Variants in SPTLC2 observed in about 807,000 individuals in gnomAD.
SPTLC2 encodes serine palmitoyltransferase long chain base subunit 2, also known as serine palmitoyltransferase 2.
In SPTLC2, 21 loss-of-function variants were observed where a neutral mutation model predicts 62.0. That is an observed-to-expected ratio of 0.34 (90% CI 0.24 to 0.49). The LOEUF is 0.49. Among genes scored for constraint, SPTLC2 ranks in the 20% least tolerant of loss-of-function variants. The probability of loss-of-function intolerance (pLI) is 0.99; values close to 1 mark genes in which losing one functional copy is unlikely to be tolerated. For missense variants in SPTLC2, 511 were observed against 713.0 expected (o/e 0.72, Z 3.23); for synonymous variants, 261 against 261.8 (o/e 1.00, Z 0.03).
intron 2 of SPTLC2, among the ~76,000 whole-genome samples, chr14:77,590,840 A>C (rs2079811917): frequency 6.6e-6 from 1 of 152,254 alleles, no homozygotes; most frequent in Non-Finnish European, 1.5e-5. Flanking sequence ...CCTGGGTAGA[A>C]CAGAGGATAA....
At chr14:77,581,741 T>G (rs1439881176) in intron 2 of SPTLC2, among the ~76,000 whole-genome samples, 1 of 152,146 alleles carries the variant, frequency 6.6e-6, no homozygotes, top group Non-Finnish European at 1.5e-5. Context: ...GTTCTAATAG[T>G]TAATTTTCCT....
In SPTLC2 at chr14:77,555,218, G is replaced by A. The variant is rs1343280573; in HGVS notation, c.1176+82C>T. 7 of 1,552,676 alleles carry A rather than the reference G, an allele frequency of 4.5e-6. No homozygotes were observed. In the East Asian group the frequency reaches 9.0e-5, roughly 20 times the overall value. ...CAAATTTGCGGACATCCCAGTTCAG[G>A]GCCCCATCTGCTAGGCCTGAGGTAC... On this transcript the variant is annotated intron_variant, in intron 8 of 11. Coordinates refer to ENST00000216484, the MANE Select transcript of SPTLC2 (RefSeq NM_004863.4).
chr14:77,549,433 G>A (rs1420036969), intron 9 of SPTLC2, among the ~76,000 whole-genome samples: 1 of 152,154 alleles, frequency 6.6e-6, no homozygotes, highest in African/African-American at 2.4e-5. Context: ...ATGTCATGAG[G>A]AGCCTAAGCC....
intron 2 of SPTLC2, among the ~76,000 whole-genome samples, chr14:77,595,736 ACAAT>A (rs2079843281): frequency 1.3e-5 from 2 of 152,322 alleles, no homozygotes; most frequent in South Asian, 4.1e-4. Context: ...TGTTTCTTCT[ACAAT>A]CAATGTTCAC....
intron 9 of SPTLC2, 52 bp from the exon 10 acceptor site, chr14:77,521,633 G>GA (rs756246250): frequency 1.1e-5 from 17 of 1,540,986 alleles, no homozygotes; most frequent in African/African-American, 4.1e-5. Context: ...AAAAGGAATG[G>GA]AAAAAAGACA....
intron 9 of SPTLC2, among the ~76,000 whole-genome samples, chr14:77,550,211 A>G (rs2079548457): frequency 6.6e-6 from 1 of 152,272 alleles, no homozygotes; most frequent in African/African-American, 2.4e-5. Flanking sequence ...ACTATTTCCA[A>G]AAATCTCTCA....
At chr14:77,552,805 TAAAAAAA>T (rs58847640) in intron 8 of SPTLC2, among the ~76,000 whole-genome samples, 1 of 130,982 alleles carries the variant, frequency 7.6e-6, no homozygotes, top group Non-Finnish European at 1.6e-5. Flanking sequence ...GACTCCGTCT[TAAAAAAA>T]AAAAAAAAAA....
chr14:77,561,913 A>G (rs2079616975), intron 6 of SPTLC2, among the ~76,000 whole-genome samples: 1 of 152,348 alleles, frequency 6.6e-6, no homozygotes, highest in South Asian at 2.1e-4. Flanking sequence ...TAATCATTTT[A>G]ATAATACACA....
chr14:77,532,844 T>C (rs1448318683), intron 9 of SPTLC2, among the ~76,000 whole-genome samples: 3 of 151,930 alleles, frequency 2.0e-5, no homozygotes, highest in Non-Finnish European at 2.9e-5. Flanking sequence ...TGATTCTGAC[T>C]GCTTTTTTTG....
At chr14:77,607,519 GGC>G (rs757964523) in intron 1 of SPTLC2, among the ~76,000 whole-genome samples, 52 of 151,870 alleles carry the variant, frequency 3.4e-4, no homozygotes, top group Non-Finnish European at 7.4e-5. Flanking sequence ...TTAATTCCAT[GGC>G]TTTCCAATGA....
chr14:77,601,942 A>G (rs10139852), intron 1 of SPTLC2, among the ~76,000 whole-genome samples: 76,372 of 143,450 alleles, frequency 0.53, 18,362 homozygotes, highest in East Asian at 0.63. Context: ...TAATCATTGC[A>G]GGGATGCCTC....
Position 77,518,103 on chromosome 14 carries a change from G to C in SPTLC2, c.1504C>G (p.Pro502Ala). 1 of 1,614,020 alleles carries C rather than the reference G, an allele frequency of 6.2e-7. No individual in the cohort carries two copies. Among genetic ancestry groups the C allele is most frequent in the South Asian group, 1.1e-5 (1 of 91,082 alleles). Residue 502 changes from proline to alanine, a missense_variant, in exon 11 of 12, where the codon CCA (proline) becomes GCA (alanine). By Grantham distance (27) the Pro-to-Ala change is conservative (BLOSUM62 -1). Transcript: ENST00000216484. ...AACCTGGCTCTGGACTCAATAATTG[G>C]GGTGGCAGGAAATCCAACCACAACG... ...GVVVVGFPAT[P>A]IIESRARFCL...
At chr14:77,536,618 C>T (rs1222999537) in intron 9 of SPTLC2, among the ~76,000 whole-genome samples, 2 of 151,834 alleles carry the variant, frequency 1.3e-5, no homozygotes, top group Admixed American at 6.6e-5. Context: ...GCCTATAGGC[C>T]GAGTTTAAGC....
rs139891098 is a variant in SPTLC2 at position 77,592,700 on chromosome 14, G to C, written c.327+4486C>G. Among the ~76,000 whole-genome samples the C allele has an allele frequency of 2.3e-3, 349 of 152,134 alleles. 1 individual carries two copies. The highest frequency in any genetic ancestry group is 7.8e-3 in the African/African-American group (325 of 41,502). Reference sequence around the variant, plus strand: ...TTGTACAGATTATTTTGTCACCCAGGTACTAAGCCTAGCACCCAATGGGTT... The same window carrying C: ...TTGTACAGATTATTTTGTCACCCAGCTACTAAGCCTAGCACCCAATGGGTT... On this transcript the variant is annotated intron_variant, in intron 2 of 11. Transcript: ENST00000216484.
At chr14:77,534,588 T>TACACACACAC (rs1555373993) in intron 9 of SPTLC2, among the ~76,000 whole-genome samples, 40,852 of 141,076 alleles carry the variant, frequency 0.29, 6,846 homozygotes, top group East Asian at 0.59. Context: ...CATATTTCAG[T>TACACACACAC]ACACACACAC....
At chr14:77,579,212 T>A (rs1034942488) in intron 2 of SPTLC2, 103 bp from the exon 3 acceptor site, 1 of 1,211,062 alleles carries the variant, frequency 8.3e-7, no homozygotes, top group African/African-American at 1.5e-5. Flanking sequence ...TTATGGGGTA[T>A]AAGGGCAATT....
Position 77,512,076 on chromosome 14 carries a change from TA to T in SPTLC2, c.*207del. 1 of 646,022 alleles carries T rather than the reference TA, an allele frequency of 1.5e-6. No individual in the cohort carries two copies. Among genetic ancestry groups the T allele is most frequent in the African/African-American group, 1.8e-5 (1 of 54,706 alleles). 40.0% of individuals were successfully genotyped at this position (646,022 alleles called of 1,614,324 possible). ...AAGCAAAGTGAGTCACCTTCGTTTT[TA>T]AAGGTGAGATTTAGCAAAGGAAGGA... On this transcript the variant is annotated 3_prime_UTR_variant, in exon 12 of 12. Coordinates refer to ENST00000216484, the MANE Select transcript of SPTLC2 (RefSeq NM_004863.4).
intron 6 of SPTLC2, among the ~76,000 whole-genome samples, chr14:77,557,853 G>C (rs778811588): frequency 2.1e-4 from 32 of 152,006 alleles, no homozygotes; most frequent in Non-Finnish European, 3.8e-4. Flanking sequence ...GAAACAACTT[G>C]GCTGCTACTG....
At chr14:77,569,196 T>G (rs1233935011) in intron 5 of SPTLC2, among the ~76,000 whole-genome samples, 5 of 152,252 alleles carry the variant, frequency 3.3e-5, no homozygotes, top group African/African-American at 1.2e-4. Flanking sequence ...CTTCTGATTA[T>G]TATTTGCATG....
Sources: allele counts gnomAD v4.1 joint callset (sites outside exome capture counted in the v4.1 genomes callset), GRCh38; gene constraint gnomAD v4.1.1; transcripts MANE v1.5; gene names NCBI Gene and HGNC (gene_info 2026-07-23, HGNC 2026-07-21).